AK1: variants seen among roughly 807,000 people sequenced by gnomAD.
AK1 encodes the protein adenylate kinase 1.
In AK1, 13 loss-of-function variants were observed where a neutral mutation model predicts 23.9. The observed-to-expected ratio is 0.54, with a 90% CI of 0.35 to 0.86. The LOEUF (loss-of-function observed/expected upper bound fraction) is 0.86. Ranked by LOEUF, AK1 falls within the 40% of genes least tolerant of loss-of-function variation. AK1 has a pLI of 0.01. For synonymous variants in AK1, 97 were observed against 102.8 expected (o/e 0.94, Z 0.34); for missense variants, 214 against 255.1 (o/e 0.84, Z 1.10).
At position 127,867,872 on chromosome 9, in the gene AK1, C is replaced by T. The variant is rs1829281701; in HGVS notation, c.*136G>A. On this transcript the variant is annotated 3_prime_UTR_variant, in exon 7 of 7. Coordinates refer to ENST00000644144, the MANE Select transcript of AK1 (RefSeq NM_000476.3). ...GAAATTCCTTTAGTGCTCAGCTGTC[C>T]ATGAAAACAGGATAAGCGGCTTCCT... 1 of 817,768 alleles carries T rather than the reference C, an allele frequency of 1.2e-6. No homozygotes were observed. The highest frequency in any genetic ancestry group is 2.1e-6 in the Non-Finnish European group (1 of 479,152). The allele number at this position is 817,768 out of a possible 1,614,324, so 50.7% of individuals were successfully genotyped here. A position where few individuals can be genotyped will look rare whatever the true frequency, so the allele number is the denominator to read the frequency against.
At position 127,872,849 on chromosome 9, in the gene AK1, C is replaced by A. The variant is rs1336698133; in HGVS notation, c.48G>T (p.Gly16=). The change falls in exon 4 of 7, where the codon GGG becomes GGT. Residue 16 remains glycine, a synonymous_variant. Transcript: ENST00000644144. ...ACTGGGTGCCCTTCCCTGAGCCAGG[C>A]CCACCTGCAAACGCCCACCCATTCA... is the stretch of plus-strand genomic sequence containing the variant. The part of the protein sequence containing the change: ...KKTKIIFVVG[G]PGSGKGTQCE... The A allele has an allele frequency of 1.9e-6, 3 of 1,613,966 alleles. No homozygotes were observed. The highest frequency in any genetic ancestry group is 2.5e-6 in the Non-Finnish European group (3 of 1,179,952).
intron 1 of AK1, among the ~76,000 whole-genome samples, chr9:127,875,171 C>G (rs745471856): frequency 1.3e-5 from 2 of 152,078 alleles, no homozygotes. Flanking sequence ...GTGAAGGAAT[C>G]TACAGGAGCC....
chr9:127,875,922 A>G (rs1370325666), intron 1 of AK1, among the ~76,000 whole-genome samples: 1 of 151,948 alleles, frequency 6.6e-6, no homozygotes, highest in East Asian at 1.9e-4. Flanking sequence ...AAGCCTCCAC[A>G]CCCTGCCACG....
chr9:127,876,047 A>G (rs1446148414), intron 1 of AK1, among the ~76,000 whole-genome samples: 1 of 152,146 alleles, frequency 6.6e-6, no homozygotes, highest in Admixed American at 6.5e-5. Context: ...GACATAGTGG[A>G]TAGGTCCCGG....
At chr9:127,870,818 T>TGGGGCATGGGGAC (rs1829381665) in intron 5 of AK1, among the ~76,000 whole-genome samples, 1 of 17,348 alleles carries the variant, frequency 5.8e-5, no homozygotes, top group African/African-American at 1.1e-4. Flanking sequence ...GGCATGGGAA[T>TGGGGCATGGGGAC]GGGGCATGGG....
At chr9:127,874,781 G>C (rs1204815295) in intron 1 of AK1, 132 bp from the exon 2 acceptor site, 1 of 902,742 alleles carries the variant, frequency 1.1e-6, no homozygotes, top group Non-Finnish European at 1.8e-6. Context: ...GGGCTGCTGG[G>C]GGCAGGGAAG....
chr9:127,879,372 C>G (rs1379640666), upstream of AK1: 1 of 152,030 alleles, frequency 6.6e-6, no homozygotes, highest in East Asian at 1.9e-4. Context: ...CACCTGTAAT[C>G]CCAGCATTTT....
At chr9:127,870,808 GGC>G (rs1446868485) in intron 5 of AK1, among the ~76,000 whole-genome samples, 2 of 16,246 alleles carry the variant, frequency 1.2e-4, no homozygotes. Flanking sequence ...ACGGAGACGG[GGC>G]ATGGGAATGG....
At position 127,875,376 on chromosome 9, in the gene AK1, C is replaced by T. The variant is rs116976624; in HGVS notation, c.-32-727G>A. On this transcript the variant is annotated intron_variant, in intron 1 of 6. Transcript: ENST00000644144. ...CCTGCGACCCCACCCTGTGCTGCCA[C>T]AGCCCCCAGGACCTCCCCTACCTCG... is the stretch of plus-strand genomic sequence containing the variant. Among the ~76,000 whole-genome samples the T allele has an allele frequency of 2.9e-3, 435 of 151,254 alleles. 8 individuals are homozygous for T. In the East Asian group the frequency reaches 0.067, roughly 23 times the overall value.
Position 127,872,680 on chromosome 9 carries a change from G to GC in AK1, c.207+9dup. 2 of 1,613,822 alleles carry GC rather than the reference G, an allele frequency of 1.2e-6. No individual in the cohort carries two copies. The highest frequency in any genetic ancestry group is 2.2e-5 in the South Asian group (2 of 91,066). On this transcript the variant is annotated intron_variant, in intron 4 of 6. Coordinates refer to ENST00000644144, the MANE Select transcript of AK1 (RefSeq NM_000476.3). ...ATCCCCTGCCTCTCACCCCACCAGG[G>GC]CCCACTCACCAGTGGAACCAGCTGC...
At chr9:127,874,208 T>C (rs2131408819) in intron 2 of AK1, 1 of 985,378 alleles carries the variant, frequency 1.0e-6, no homozygotes, top group Non-Finnish European at 1.2e-6. Flanking sequence ...CCATAGGAAC[T>C]AGGAGGGTCC....
At position 127,871,925 on chromosome 9, in the gene AK1, G is replaced by A; in HGVS notation, c.222C>T (p.Asp74=). The A allele has an allele frequency of 6.2e-7, 1 of 1,613,922 alleles. No homozygotes were observed. Among genetic ancestry groups the A allele is most frequent in the South Asian group, 1.1e-5 (1 of 91,086 alleles). The change falls in exon 5 of 7, where the codon GAC becomes GAT. Residue 74 remains aspartate, a synonymous_variant. Coordinates refer to ENST00000644144, the MANE Select transcript of AK1 (RefSeq NM_000476.3). This position sits in a 1 kb window ranked among gnomAD's most constrained non-coding sequence, Gnocchi z 4.4. ...TGGCCACCATGGCATCCCGGAGCAT[G>A]TCCAACACTGTCTCCTGGGGCACAG... The part of the protein sequence containing the change: ...GQLVPLETVL[D]MLRDAMVAKV...
rs1277785317 is a variant in AK1 at position 127,872,862 on chromosome 9, G to A, written c.44-9C>T. On this transcript the variant is annotated splice_polypyrimidine_tract_variant and intron_variant, in intron 3 of 6. Coordinates refer to ENST00000644144, the MANE Select transcript of AK1 (RefSeq NM_000476.3). ...CCCTGAGCCAGGCCCACCTGCAAACGCCCACCCATTCATAAACCCCGAGAC... is the reference window on the plus strand; with the variant it reads ...CCCTGAGCCAGGCCCACCTGCAAACACCCACCCATTCATAAACCCCGAGAC... The A allele has an allele frequency of 9.9e-6, 16 of 1,613,742 alleles. No individual in the cohort carries two copies. The highest frequency in any genetic ancestry group is 2.2e-5 in the East Asian group (1 of 44,848).
chr9:127,875,280 AC>A (rs934461884), intron 1 of AK1, among the ~76,000 whole-genome samples: 7 of 146,996 alleles, frequency 4.8e-5, no homozygotes, highest in Non-Finnish European at 7.5e-5. Flanking sequence ...TGTCCCCTGC[AC>A]CCCCACCCTT....
chr9:127,872,643 AG>A, intron 4 of AK1, 46 bp downstream of exon 4: 1 of 1,611,472 alleles, frequency 6.2e-7, no homozygotes. Flanking sequence ...ACACCCACTC[AG>A]GGCTACTGTC....
Position 127,871,784 on chromosome 9 carries a change from C to T in AK1, c.324+39G>A. 1 of 1,573,952 alleles carries T rather than the reference C, an allele frequency of 6.4e-7. No homozygotes were observed. The highest frequency in any genetic ancestry group is 8.7e-7 in the Non-Finnish European group (1 of 1,143,918). Reference sequence around the variant, plus strand: ...CATGGGGATGGGAGTCTTATCCTGCCCCAGCCCACCAGGATCCCCACTTGG... The same window carrying T: ...CATGGGGATGGGAGTCTTATCCTGCTCCAGCCCACCAGGATCCCCACTTGG... On this transcript the variant is annotated intron_variant, in intron 5 of 6. Transcript: ENST00000644144. The surrounding 1 kb of genome is among the most constrained non-coding windows in gnomAD (Gnocchi z 4.4).
Position 127,868,461 on chromosome 9 carries a change from T to C in AK1, c.376A>G (p.Thr126Ala), listed in dbSNP as rs1399110826. ...LYVDAGPETM[T>A]QRLLKRGETS... is the part of the protein sequence containing the mutation. ...TCTCCACGTTTCAAGAGCCGCTGGG[T>C]CATGGTCTCAGGGCCTGCGTCCACA... Residue 126 changes from threonine to alanine, a missense_variant, in exon 6 of 7, where the codon ACC becomes GCC. Thr to Ala is a moderately conservative substitution (Grantham distance 58). Coordinates refer to ENST00000644144, the MANE Select transcript of AK1 (RefSeq NM_000476.3). This position sits in a 1 kb window ranked among gnomAD's most constrained non-coding sequence, Gnocchi z 4.1. 4 of 1,607,362 alleles carry C rather than the reference T, an allele frequency of 2.5e-6. No homozygotes were observed. The highest frequency in any genetic ancestry group is 3.4e-6 in the Non-Finnish European group (4 of 1,176,976).
chr9:127,872,553 G>A, intron 4 of AK1, 137 bp downstream of exon 4: 1 of 1,182,296 alleles, frequency 8.5e-7, no homozygotes, highest in Non-Finnish European at 1.2e-6. Flanking sequence ...CCAGGGCAAT[G>A]GGGAACCACA....
intron 5 of AK1, among the ~76,000 whole-genome samples, chr9:127,870,824 ATGGGAATGG>A (rs1564472212): frequency 2.8e-5 from 4 of 144,036 alleles, no homozygotes; most frequent in Non-Finnish European, 4.6e-5. Flanking sequence ...GGAATGGGGC[ATGGGAATGG>A]GGCATGGGGA....
Sources: gnomAD v4.1 joint callset for allele counts (sites outside exome capture counted in the v4.1 genomes callset) on GRCh38, gnomAD v4.1.1 for gene constraint, Gnocchi (gnomAD v3.1) non-coding constraint, MANE v1.5 for transcripts, NCBI Gene and HGNC (gene_info 2026-07-23, HGNC 2026-07-21) for gene names.